The following PPM1A variants were observed in gnomAD, a reference collection of about 807,000 sequenced individuals.
PPM1A encodes protein phosphatase, Mg2+/Mn2+ dependent 1A.
Under a neutral mutation model 35.0 loss-of-function variants are expected in PPM1A, and 7 were observed. That is an observed-to-expected ratio of 0.20 (90% CI 0.11 to 0.38). The LOEUF (loss-of-function observed/expected upper bound fraction) is 0.38. Among genes scored for constraint, PPM1A ranks in the 10% least tolerant of loss-of-function variants. The probability of loss-of-function intolerance (pLI) is 1.00; values close to 1 mark genes in which losing one functional copy is unlikely to be tolerated. For missense variants in PPM1A, 239 were observed against 467.8 expected (o/e 0.51, Z 4.51); for synonymous variants, 153 against 167.3 (o/e 0.91, Z 0.66).
intron 4 of PPM1A, among the ~76,000 whole-genome samples, chr14:60,290,468 T>C (rs548465697): frequency 1.3e-5 from 2 of 152,166 alleles, no homozygotes; most frequent in African/African-American, 2.4e-5. Flanking sequence ...CTACTTTGTG[T>C]TAAATATTAA....
intron 1 of PPM1A, among the ~76,000 whole-genome samples, chr14:60,280,582 T>C (rs1193096116): frequency 2.6e-5 from 4 of 152,222 alleles, no homozygotes; most frequent in African/African-American, 9.6e-5. Flanking sequence ...GTGGAGTCTT[T>C]CCTCTGTAAA....
chr14:60,273,456 G>A lies in PPM1A; in HGVS notation c.-20-9228G>A, dbSNP rs191368078. Among the ~76,000 whole-genome samples the A allele has an allele frequency of 1.2e-4, 19 of 152,268 alleles. No individual in the cohort carries two copies. The highest frequency in any genetic ancestry group is 3.9e-4 in the African/African-American group (16 of 41,558). ...GAAGGGACAGTATGAAGTGAGATGCGGCTAGAGAAGGTACGTAGGGGCTTG... is the reference window on the plus strand; with the variant it reads ...GAAGGGACAGTATGAAGTGAGATGCAGCTAGAGAAGGTACGTAGGGGCTTG... On this transcript the variant is annotated intron_variant, in intron 1 of 5. Coordinates refer to ENST00000395076, the MANE Select transcript of PPM1A (RefSeq NM_021003.5). This position sits in a 1 kb window ranked among gnomAD's most constrained non-coding sequence, Gnocchi z 4.3.
intron 1 of PPM1A, among the ~76,000 whole-genome samples, chr14:60,272,863 A>C (rs556053950): frequency 6.6e-6 from 1 of 152,230 alleles, no homozygotes; most frequent in South Asian, 2.1e-4. Flanking sequence ...TTTGCAGTTG[A>C]GATGGCTAAT....
upstream of PPM1A, chr14:60,246,007 C>A: frequency 6.3e-7 from 1 of 1,581,536 alleles, no homozygotes; most frequent in South Asian, 1.2e-5. Context: ...AAGAGGAAAC[C>A]AAATGAAGAG....
chr14:60,277,283 T>G (rs1300539289), intron 1 of PPM1A: 1 of 157,110 alleles, frequency 6.4e-6, no homozygotes, highest in Non-Finnish European at 1.4e-5. Flanking sequence ...TGGTATTATA[T>G]TTATATAATC....
intron 1 of PPM1A, among the ~76,000 whole-genome samples, chr14:60,279,647 C>T (rs531596479): frequency 2.1e-4 from 32 of 152,282 alleles, no homozygotes; most frequent in Admixed American, 1.6e-3. Flanking sequence ...AAACTCCTAT[C>T]GGCACTCTAG....
At chr14:60,261,875 T>G (rs1883783024) in intron 1 of PPM1A, among the ~76,000 whole-genome samples, 1 of 152,158 alleles carries the variant, frequency 6.6e-6, no homozygotes, top group African/African-American at 2.4e-5. Context: ...CATATAGGTG[T>G]AAAGTCAATA....
At chr14:60,255,478 T>G (rs560227284) in intron 1 of PPM1A, among the ~76,000 whole-genome samples, 90 of 152,322 alleles carry the variant, frequency 5.9e-4, no homozygotes, top group African/African-American at 2.0e-3. Context: ...GCCTATCATA[T>G]GTTTTACCTT....
At chr14:60,291,571 T>C (rs1887638211) in intron 5 of PPM1A, 117 bp downstream of exon 5, 2 of 703,286 alleles carry the variant, frequency 2.8e-6, no homozygotes, top group Admixed American at 5.9e-5. Context: ...ACACCCCTGA[T>C]TGATTGCTCT....
intron 1 of PPM1A, chr14:60,277,062 G>C (rs1338883132): frequency 3.3e-6 from 4 of 1,204,408 alleles, no homozygotes; most frequent in Middle Eastern, 2.3e-4. Context: ...ATGAGACTCA[G>C]CTTGTACTCA....
rs1385361327 is a variant in PPM1A at position 60,275,104 on chromosome 14, GT to G, written c.-20-7576del. Among the ~76,000 whole-genome samples the G allele has an allele frequency of 4.1e-5, 6 of 145,118 alleles. No homozygotes were observed. The East Asian group carries it at 1.2e-3, about 29-fold the overall frequency. ...TTTTTAAGGTCATTTATCTTTGGCA[GT>G]TTTAGAGATTTAGAAAAGAAAATAT... On this transcript the variant is annotated intron_variant, in intron 1 of 5. Coordinates refer to ENST00000395076, the MANE Select transcript of PPM1A (RefSeq NM_021003.5).
chr14:60,292,678 A>G lies in PPM1A; in HGVS notation c.*196A>G. ...TTTTTTTTTTTTTTGTAAATTTGAG[A>G]CTTATGTAAGCGTGATTTCAAACCA... On this transcript the variant is annotated 3_prime_UTR_variant, in exon 6 of 6. Transcript: ENST00000395076. The surrounding 1 kb of genome is among the most constrained non-coding windows in gnomAD (Gnocchi z 4.2). The G allele has an allele frequency of 2.4e-6, 1 of 413,128 alleles. No homozygotes were observed. Among genetic ancestry groups the G allele is most frequent in the Non-Finnish European group, 4.3e-6 (1 of 234,288 alleles). 25.6% of individuals were successfully genotyped at this position (413,128 alleles called of 1,614,324 possible).
At chr14:60,251,624 T>G (rs1882430176) in intron 1 of PPM1A, among the ~76,000 whole-genome samples, 1 of 152,354 alleles carries the variant, frequency 6.6e-6, no homozygotes, top group Non-Finnish European at 1.5e-5. Context: ...TTTTTTTTTA[T>G]CAATATTGTG....
chr14:60,278,536 C>T (rs895879747), intron 1 of PPM1A, among the ~76,000 whole-genome samples: 3 of 152,188 alleles, frequency 2.0e-5, no homozygotes, highest in East Asian at 3.8e-4. Context: ...TTGTTAGACC[C>T]TTTCCTGAAG....
intron 1 of PPM1A, among the ~76,000 whole-genome samples, chr14:60,260,648 T>G (rs930202256): frequency 1.3e-5 from 2 of 152,044 alleles, no homozygotes; most frequent in Non-Finnish European, 2.9e-5. Flanking sequence ...TTTCATCACC[T>G]CCAAAAGATA....
In PPM1A at chr14:60,289,777, C is replaced by G; in HGVS notation, c.953-29C>G. On this transcript the variant is annotated intron_variant, in intron 3 of 5. Coordinates refer to ENST00000395076, the MANE Select transcript of PPM1A (RefSeq NM_021003.5). The surrounding 1 kb of genome is among the most constrained non-coding windows in gnomAD (Gnocchi z 4.1). The stretch of plus-strand genomic sequence containing the variant: ...TCTTTTCAATTAAATTTGGATAACA[C>G]TTACAAAAAAAGTACTTCTGATTCC... The G allele has an allele frequency of 6.8e-7, 1 of 1,470,846 alleles. No individual in the cohort carries two copies. The highest frequency in any genetic ancestry group is 9.4e-7 in the Non-Finnish European group (1 of 1,059,238). 91.1% of individuals were successfully genotyped at this position (1,470,846 alleles called of 1,614,324 possible).
At chr14:60,287,182 C>T in intron 3 of PPM1A, 3 of 939,562 alleles carry the variant, frequency 3.2e-6, no homozygotes, top group East Asian at 1.2e-4. Context: ...CTACTTTTCT[C>T]TTTAGTGTGT....
chr14:60,249,654 C>A lies in PPM1A; in HGVS notation c.-44C>A, dbSNP rs1039021386. On this transcript the variant is annotated 5_prime_UTR_variant, in exon 1 of 6. Transcript: ENST00000395076. The surrounding 1 kb of genome is among the most constrained non-coding windows in gnomAD (Gnocchi z 4.5). ...CGCCGCCGCCTCGGCCGACCAGGGACCTGCCCGCCTGCGGCTGCTCCGGGT... is the reference window on the plus strand; with the variant it reads ...CGCCGCCGCCTCGGCCGACCAGGGAACTGCCCGCCTGCGGCTGCTCCGGGT... 2.0e-6 allele frequency: 2 copies of A among 984,832 alleles called. No homozygotes were observed. Among genetic ancestry groups the A allele is most frequent in the African/African-American group, 3.5e-5 (2 of 56,926 alleles). The allele number at this position is 984,832 out of a possible 1,614,324, so 61.0% of individuals were successfully genotyped here.
intron 1 of PPM1A, among the ~76,000 whole-genome samples, chr14:60,257,040 C>T (rs545623531): frequency 1.3e-5 from 2 of 152,156 alleles, no homozygotes; most frequent in African/African-American, 4.8e-5. Flanking sequence ...AAATTTTCCC[C>T]AAGAAGAGCT....
Sources: allele counts gnomAD v4.1 joint callset (sites outside exome capture counted in the v4.1 genomes callset), GRCh38; gene constraint gnomAD v4.1.1; non-coding constraint Gnocchi (gnomAD v3.1); transcripts MANE v1.5; gene names NCBI Gene and HGNC (gene_info 2026-07-23, HGNC 2026-07-21).